Variants in UBA3 observed in about 807,000 individuals in gnomAD.
The protein encoded by UBA3 is ubiquitin like modifier activating enzyme 3.
In UBA3, 26 loss-of-function variants were observed where a neutral mutation model predicts 73.5. The observed-to-expected ratio is 0.35, with a 90% confidence interval of 0.26 to 0.49. The LOEUF is 0.49. Among genes scored for constraint, UBA3 ranks in the 20% least tolerant of loss-of-function variants. UBA3 has a pLI of 0.98. For synonymous variants in UBA3, 217 were observed against 191.2 expected (o/e 1.13, Z -1.11); for missense variants, 495 against 555.6 (o/e 0.89, Z 1.10).
Position 69,055,203 on chromosome 3 carries a change from C to T in UBA3, c.*234G>A, listed in dbSNP as rs1293037969. 1 of 307,122 alleles carries T rather than the reference C, an allele frequency of 3.3e-6. No individual in the cohort carries two copies. Among genetic ancestry groups the T allele is most frequent in the African/African-American group, 2.2e-5 (1 of 46,008 alleles). 19.0% of individuals were successfully genotyped at this position (307,122 alleles called of 1,614,324 possible). On this transcript the variant is annotated 3_prime_UTR_variant, in exon 18 of 18. Transcript: ENST00000361055. The stretch of plus-strand genomic sequence containing the variant: ...TCCTCTAAAAGAAGCAATACATTTG[C>T]TCATAATCTCTCTCTCCAGGTATCA...
chr3:69,064,197 T>A, intron 6 of UBA3, 86 bp from the exon 7 acceptor site: 5 of 1,014,786 alleles, frequency 4.9e-6, no homozygotes, highest in Non-Finnish European at 7.1e-6. Context: ...ACTCTGCATA[T>A]ATTTACAACA....
intron 9 of UBA3, 121 bp downstream of exon 9, chr3:69,062,861 T>G: frequency 8.2e-7 from 1 of 1,213,314 alleles, no homozygotes; most frequent in East Asian, 2.4e-5. Flanking sequence ...TTCTTCTTAG[T>G]GTAATTTTTA....
Position 69,063,042 on chromosome 3 carries a change from C to T in UBA3, c.633G>A (p.Arg211=), listed in dbSNP as rs1355470812. The change falls in exon 9 of 18, where the codon CGG becomes CGA. Residue 211 remains arginine, a synonymous_variant. Transcript: ENST00000361055. ...AAGCAGTCATTCCAGGCAGAATCAC[C>T]CGGGCATTTCCTTTAAAACCTTCTG... ...GGTEGFKGNA[R]VILPGMTACI... 3.7e-6 allele frequency: 6 copies of T among 1,614,026 alleles called. No homozygotes were observed. The highest frequency in any genetic ancestry group is 3.3e-5 in the Admixed American group (2 of 60,004).
intron 6 of UBA3, among the ~76,000 whole-genome samples, chr3:69,066,607 T>C (rs1044358249): frequency 6.6e-5 from 10 of 152,048 alleles, no homozygotes; most frequent in African/African-American, 2.4e-4. Flanking sequence ...AATTTTTGTA[T>C]TCTTAGTAGA....
intron 5 of UBA3, 71 bp from the exon 6 acceptor site, chr3:69,068,079 A>T (rs1038267167): frequency 9.8e-7 from 1 of 1,020,740 alleles, no homozygotes; most frequent in Non-Finnish European, 1.4e-6. Flanking sequence ...ATTTTCAAAC[A>T]TAAAAGTAAA....
At chr3:69,060,786 G>A (rs2092015143) in intron 11 of UBA3, among the ~76,000 whole-genome samples, 1 of 152,176 alleles carries the variant, frequency 6.6e-6, no homozygotes, top group Non-Finnish European at 1.5e-5. Flanking sequence ...CCCTCCCTGT[G>A]ATATTAAGTT....
chr3:69,057,479 T>C (rs1018085828), intron 11 of UBA3, among the ~76,000 whole-genome samples, 170 bp from the exon 12 acceptor site: 1 of 152,248 alleles, frequency 6.6e-6, no homozygotes, highest in Non-Finnish European at 1.5e-5. Flanking sequence ...CATCACTTTG[T>C]AGTAAATTCA....
At chr3:69,077,554 G>T in intron 3 of UBA3, 1 of 344,294 alleles carries the variant, frequency 2.9e-6, no homozygotes, top group Non-Finnish European at 5.3e-6. Flanking sequence ...ATTTTTACAT[G>T]AGGTCATGAA....
At position 69,057,257 on chromosome 3, in the gene UBA3, T is replaced by C. The variant is rs1238645831; in HGVS notation, c.963A>G (p.Ala321=). ...AAGTGATGGCCTTTTCTTCCTCACC[T>C]GCAATGACTGCATTTGTGGAAGCTA... ...PAVASTNAVI[A]AVCATEVFKI... The change falls in exon 12 of 18, where the codon GCA becomes GCG. Residue 321 remains alanine, a splice_region_variant and synonymous_variant. Coordinates refer to ENST00000361055, the MANE Select transcript of UBA3 (RefSeq NM_003968.4). 2.5e-6 allele frequency: 4 copies of C among 1,610,456 alleles called. No homozygotes were observed. Among genetic ancestry groups the C allele is most frequent in the Non-Finnish European group, 3.4e-6 (4 of 1,179,220 alleles).
At chr3:69,062,957 G>A in intron 9 of UBA3, 25 bp downstream of exon 9, 1 of 1,610,622 alleles carries the variant, frequency 6.2e-7, no homozygotes. Flanking sequence ...TACTATAAAA[G>A]AAATGCAGGT....
chr3:69,057,705 A>T (rs1243286176), intron 11 of UBA3, among the ~76,000 whole-genome samples: 3 of 152,202 alleles, frequency 2.0e-5, no homozygotes, highest in Admixed American at 6.5e-5. Context: ...ATTTATCCAC[A>T]GCTATATACT....
chr3:69,060,149 A>G (rs1002993363), intron 11 of UBA3, among the ~76,000 whole-genome samples: 77 of 152,200 alleles, frequency 5.1e-4, no homozygotes, highest in African/African-American at 1.7e-3. Flanking sequence ...TTTGAAAAAG[A>G]AATAAAGGAT....
chr3:69,069,906 GTTAATT>G (rs1180990851), intron 5 of UBA3, among the ~76,000 whole-genome samples: 1 of 152,174 alleles, frequency 6.6e-6, no homozygotes, highest in East Asian at 1.9e-4. Context: ...GGAACTGTTT[GTTAATT>G]TACCATTCCA....
Position 69,080,138 on chromosome 3 carries a change from CCTT to C in UBA3, c.33_35del (p.Arg13del), listed in dbSNP as rs1472051662. 2.2e-5 allele frequency: 36 copies of C among 1,609,782 alleles called. No individual in the cohort carries two copies. Among genetic ancestry groups the C allele is most frequent in the Middle Eastern group, 2.0e-4 (1 of 5,114 alleles). On this transcript the variant is annotated inframe_deletion, in exon 2 of 18. Transcript: ENST00000361055. Reference sequence around the variant, plus strand: ...TCTCAGCCAGCAGCTCCTCTATTCTCCTTCTTTTCTTCTCCCTAAAAGAGAGAA... The same window carrying C: ...TCTCAGCCAGCAGCTCCTCTATTCTCCTTTTCTTCTCCCTAAAAGAGAGAA...
intron 8 of UBA3, 37 bp from the exon 9 acceptor site, chr3:69,063,174 G>A: frequency 1.2e-6 from 2 of 1,606,338 alleles, no homozygotes; most frequent in Non-Finnish European, 1.7e-6. Context: ...AAGGAGAAGG[G>A]GATAAGAATT....
At chr3:69,068,491 C>T (rs948217844) in intron 5 of UBA3, among the ~76,000 whole-genome samples, 2 of 113,528 alleles carry the variant, frequency 1.8e-5, no homozygotes. Flanking sequence ...TAAGAAGCTG[C>T]ATGAAAAAGA....
chr3:69,068,396 A>G (rs983112805), intron 5 of UBA3, among the ~76,000 whole-genome samples: 2 of 152,100 alleles, frequency 1.3e-5, no homozygotes, highest in African/African-American at 4.8e-5. Flanking sequence ...AATATACACA[A>G]TAAGATTCAT....
rs192591339 is a variant in UBA3 at position 69,055,542 on chromosome 3, A to G, written c.1304-17T>C. ...GCCCCAATTCTAAAACAGAAAAAATATTATTAATACAAGCAAAAAAAACTC... is the reference window on the plus strand; with the variant it reads ...GCCCCAATTCTAAAACAGAAAAAATGTTATTAATACAAGCAAAAAAAACTC... On this transcript the variant is annotated splice_polypyrimidine_tract_variant and intron_variant, in intron 17 of 17. Transcript: ENST00000361055. 1,595 of 1,570,328 alleles carry G rather than the reference A, an allele frequency of 1.0e-3. 19 individuals carry two copies. In the African/African-American group the frequency reaches 0.019, roughly 19 times the overall value.
At chr3:69,071,393 T>G in intron 5 of UBA3, 142 bp downstream of exon 5, 1 of 542,892 alleles carries the variant, frequency 1.8e-6, no homozygotes, top group Non-Finnish European at 3.2e-6. Context: ...TTACCTACAA[T>G]GGGAATGGTA....
Sources: gnomAD v4.1 joint callset for allele counts (sites outside exome capture counted in the v4.1 genomes callset) on GRCh38, gnomAD v4.1.1 for gene constraint, MANE v1.5 for transcripts, NCBI Gene and HGNC (gene_info 2026-07-23, HGNC 2026-07-21) for gene names.